TMEM132B: variants seen among roughly 807,000 people sequenced by gnomAD.
TMEM132B encodes transmembrane protein 132B.
TMEM132B carries 18 observed loss-of-function variants against 90.8 expected under a neutral mutation model. The ratio of observed to expected loss-of-function variants is 0.20; its 90% CI spans 0.14 to 0.29. The LOEUF is 0.29. TMEM132B is among the 10% of genes least tolerant of loss of function. TMEM132B has a pLI of 1.00. For missense variants in TMEM132B, 1,096 were observed against 1,326.8 expected, an observed-to-expected ratio of 0.83 and a Z score of 2.70; for synonymous variants, 504 against 523.3, an observed-to-expected ratio of 0.96 and a Z score of 0.50.
At chr12:125,335,942 G>A (rs1876941967) in intron 1 of TMEM132B, among the ~76,000 whole-genome samples, 1 of 152,118 alleles carries the variant, frequency 6.6e-6, no homozygotes, top group African/African-American at 2.4e-5. Flanking sequence ...AGCCAAGATT[G>A]CGCCACTGCA....
At chr12:125,284,489 C>G (rs376051401) in intron 1 of TMEM132B, among the ~76,000 whole-genome samples, 37 of 152,332 alleles carry the variant, frequency 2.4e-4, no homozygotes, top group African/African-American at 7.9e-4. Context: ...CTTCCTCCCC[C>G]CTGCTCCCTT....
intron 3 of TMEM132B, among the ~76,000 whole-genome samples, chr12:125,515,717 C>T (rs552288457): frequency 8.6e-5 from 13 of 152,010 alleles, no homozygotes; most frequent in African/African-American, 2.4e-4. Context: ...CACATTCACA[C>T]GTTCTCACAC....
In TMEM132B at chr12:125,593,699, C is replaced by T. The variant is rs141762817; in HGVS notation, c.1437+9705C>T. On this transcript the variant is annotated intron_variant, in intron 5 of 8. Transcript: ENST00000682704. The stretch of plus-strand genomic sequence containing the variant: ...GGTACTTGGTTCACAATTTAGACTC[C>T]TGCCCTGCAGCTTTGATGCTTGAAA... 2.0e-3 allele frequency among the ~76,000 whole-genome samples: 310 copies of T among 152,286 alleles called. 1 individual carries two copies. The highest frequency in any genetic ancestry group is 3.7e-3 in the Non-Finnish European group (252 of 68,016).
intron 1 of TMEM132B, among the ~76,000 whole-genome samples, chr12:125,268,340 C>G (rs1874744315): frequency 6.6e-6 from 1 of 152,182 alleles, no homozygotes; most frequent in Non-Finnish European, 1.5e-5. Context: ...AGAGATTGTA[C>G]CTGTGCAGAT....
chr12:125,419,943 T>C (rs747514922), intron 3 of TMEM132B, among the ~76,000 whole-genome samples: 3 of 152,216 alleles, frequency 2.0e-5, no homozygotes, highest in Non-Finnish European at 4.4e-5. Context: ...AGCTCTAAAA[T>C]GATCTCCTTT....
intron 2 of TMEM132B, among the ~76,000 whole-genome samples, chr12:125,396,923 C>A (rs995264769): frequency 1.3e-5 from 2 of 152,014 alleles, no homozygotes; most frequent in Non-Finnish European, 2.9e-5. Flanking sequence ...AGACATACAG[C>A]TTTAACATCA....
chr12:125,562,105 T>G (rs1415022055), intron 4 of TMEM132B, among the ~76,000 whole-genome samples: 1 of 152,226 alleles, frequency 6.6e-6, no homozygotes, highest in East Asian at 1.9e-4. Context: ...CTACAGCTTC[T>G]CCATCACCAC....
At chr12:125,611,056 G>C (rs1885812889) in intron 5 of TMEM132B, among the ~76,000 whole-genome samples, 1 of 151,954 alleles carries the variant, frequency 6.6e-6, no homozygotes, top group African/African-American at 2.4e-5. Flanking sequence ...TTTTTGATTA[G>C]TAATCTAATC....
chr12:125,409,393 G>A (rs1879617384), intron 2 of TMEM132B, among the ~76,000 whole-genome samples: 2 of 152,168 alleles, frequency 1.3e-5, no homozygotes, highest in African/African-American at 4.8e-5. Context: ...ACTGGAACCC[G>A]AGGAGCCCTG....
At chr12:125,581,993 C>T (rs1447850811) in intron 4 of TMEM132B, among the ~76,000 whole-genome samples, 1 of 152,080 alleles carries the variant, frequency 6.6e-6, no homozygotes, top group Admixed American at 6.5e-5. Flanking sequence ...TTTAAAATTT[C>T]ATCCAGAATA....
chr12:125,313,902 G>T (rs570758332), intron 1 of TMEM132B, among the ~76,000 whole-genome samples: 2 of 151,306 alleles, frequency 1.3e-5, no homozygotes, highest in Non-Finnish European at 2.9e-5. Context: ...TGACCTAGCC[G>T]GTCCTGTGTG....
intron 1 of TMEM132B, among the ~76,000 whole-genome samples, chr12:125,235,323 G>A (rs1873909910): frequency 6.6e-6 from 1 of 152,106 alleles, no homozygotes; most frequent in African/African-American, 2.4e-5. Flanking sequence ...TATCTCAAAT[G>A]TTACACTTCT....
At chr12:125,234,290 A>T (rs1873884186) in intron 1 of TMEM132B, among the ~76,000 whole-genome samples, 1 of 152,178 alleles carries the variant, frequency 6.6e-6, no homozygotes, top group Non-Finnish European at 1.5e-5. Flanking sequence ...GGTCCAGTTG[A>T]AAATGTCCCA....
chr12:125,282,595 C>G (rs1875227368), intron 1 of TMEM132B, among the ~76,000 whole-genome samples: 1 of 152,188 alleles, frequency 6.6e-6, no homozygotes, highest in South Asian at 2.1e-4. Flanking sequence ...GCTATGTTGT[C>G]CCCTCCCCTT....
In TMEM132B at chr12:125,477,682, TC is replaced by T. The variant is rs765501540; in HGVS notation, c.1107-41755del. 4.6e-5 allele frequency among the ~76,000 whole-genome samples: 7 copies of T among 152,294 alleles called. No homozygotes were observed. The East Asian group carries it at 1.2e-3, about 25-fold the overall frequency. On this transcript the variant is annotated intron_variant, in intron 3 of 8. Coordinates refer to ENST00000682704, the MANE Select transcript of TMEM132B (RefSeq NM_001366854.1). ...GGGTATTTTGGATTTTTAATTTGCT[TC>T]CTTTTAAAGTGTAGATAGAAAAAGT...
chr12:125,609,958 T>C (rs1418329694), intron 5 of TMEM132B, among the ~76,000 whole-genome samples: 1 of 143,300 alleles, frequency 7.0e-6, no homozygotes, highest in Non-Finnish European at 1.5e-5. Flanking sequence ...TACCTCTTTC[T>C]TAGTTCATTC....
rs111354669 is a variant in TMEM132B, at chr12:125,543,638, T to C, written c.1293+24013T>C. Among the ~76,000 whole-genome samples, 351 of 152,302 alleles carry C rather than the reference T, an allele frequency of 2.3e-3. 1 individual carries two copies. The highest frequency in any genetic ancestry group is 8.0e-3 in the African/African-American group (333 of 41,546). ...CCATTTATTAAATAGGGAATCCTTT[T>C]CCGTTGCTTGTTTTTGTCTCACACC... On this transcript the variant is annotated intron_variant, in intron 4 of 8. Coordinates refer to ENST00000682704, the MANE Select transcript of TMEM132B (RefSeq NM_001366854.1).
chr12:125,290,331 G>A (rs1875503133), intron 1 of TMEM132B, among the ~76,000 whole-genome samples: 1 of 152,166 alleles, frequency 6.6e-6, no homozygotes, highest in Non-Finnish European at 1.5e-5. Flanking sequence ...AAGAGGCACA[G>A]AGAATATTTT....
chr12:125,321,026 T>A (rs1876413175), intron 1 of TMEM132B, among the ~76,000 whole-genome samples: 1 of 152,224 alleles, frequency 6.6e-6, no homozygotes, highest in South Asian at 2.1e-4. Context: ...GATTCAAAGA[T>A]CCTGCCCCAG....
Sources: allele counts gnomAD v4.1 joint callset (sites outside exome capture counted in the v4.1 genomes callset), GRCh38; gene constraint gnomAD v4.1.1; transcripts MANE v1.5; gene names NCBI Gene and HGNC (gene_info 2026-07-23, HGNC 2026-07-21).